Variants in MRTFA observed in about 807,000 individuals in gnomAD.
MRTFA encodes myocardin-related transcription factor A.
MRTFA carries 20 observed loss-of-function variants against 83.5 expected under a neutral mutation model. The observed-to-expected ratio is 0.24, with a 90% CI of 0.17 to 0.35. The LOEUF (loss-of-function observed/expected upper bound fraction) is 0.35. Among genes scored for constraint, MRTFA ranks in the 10% least tolerant of loss-of-function variants. MRTFA has a pLI of 1.00. For synonymous variants in MRTFA, 659 were observed against 541.2 expected, an observed-to-expected ratio of 1.22 and a Z score of -3.02; for missense variants, 1,200 against 1,224.7, an observed-to-expected ratio of 0.98 and a Z score of 0.30.
chr22:40,415,290 A>C (rs2147058875), intron 14 of MRTFA: 1 of 152,568 alleles, frequency 6.6e-6, no homozygotes, highest in African/African-American at 2.4e-5. Context: ...AGCGGGTCCC[A>C]TACCTGCCGC....
chr22:40,505,530 C>A (rs1336203512), intron 3 of MRTFA, among the ~76,000 whole-genome samples: 2 of 152,210 alleles, frequency 1.3e-5, no homozygotes, highest in Non-Finnish European at 2.9e-5. Flanking sequence ...TCTTACTGTT[C>A]AATAAGTAAT....
At chr22:40,583,706 A>C (rs921483586) in intron 2 of MRTFA, among the ~76,000 whole-genome samples, 4 of 152,158 alleles carry the variant, frequency 2.6e-5, no homozygotes, top group African/African-American at 9.7e-5. Flanking sequence ...ACTGTAAAAT[A>C]CACATACAAG....
rs566712114 is a variant in MRTFA, at chr22:40,563,644, C to T, written c.-21-11277G>A. On this transcript the variant is annotated intron_variant, in intron 2 of 14. Transcript: ENST00000355630. ...TTGGGAAGCCAAGCGGGGAGGATCC[C>T]TTGAGCCCAGGAGTTCAAGACCAAT... 1.8e-4 allele frequency among the ~76,000 whole-genome samples: 28 copies of T among 152,264 alleles called. No homozygotes were observed. The South Asian group carries it at 5.2e-3, about 28-fold the overall frequency.
chr22:40,506,909 C>T (rs932690595), intron 3 of MRTFA, among the ~76,000 whole-genome samples: 2 of 152,184 alleles, frequency 1.3e-5, no homozygotes, highest in Non-Finnish European at 2.9e-5. Flanking sequence ...TGAAATATTG[C>T]TGAATACACC....
intron 2 of MRTFA, among the ~76,000 whole-genome samples, chr22:40,553,809 C>T (rs1338755315): frequency 6.6e-6 from 1 of 152,170 alleles, no homozygotes; most frequent in Non-Finnish European, 1.5e-5. Context: ...CCACCTATAG[C>T]TTGCACCATA....
At chr22:40,420,779 C>A in intron 10 of MRTFA, 68 bp downstream of exon 10, 1 of 1,597,458 alleles carries the variant, frequency 6.3e-7, no homozygotes, top group Non-Finnish European at 8.5e-7. Flanking sequence ...CCCCACCAGA[C>A]CTGGCACCTG....
intron 1 of MRTFA, among the ~76,000 whole-genome samples, chr22:40,625,124 C>T (rs779251325): frequency 1.3e-4 from 19 of 151,832 alleles, no homozygotes; most frequent in Non-Finnish European, 2.4e-4. Flanking sequence ...CCTAACCCCC[C>T]AAAAAAACAT....
intron 1 of MRTFA, among the ~76,000 whole-genome samples, chr22:40,599,545 C>A (rs936715821): frequency 6.6e-5 from 10 of 152,090 alleles, no homozygotes; most frequent in African/African-American, 2.4e-4. Flanking sequence ...CAAACAAGCA[C>A]TTCTTTGGAA....
intron 4 of MRTFA, among the ~76,000 whole-genome samples, chr22:40,456,720 C>T (rs1014865864): frequency 6.6e-6 from 1 of 152,118 alleles, no homozygotes; most frequent in Non-Finnish European, 1.5e-5. Flanking sequence ...AAAAAGTTTT[C>T]TTTTGGCTCA....
intron 7 of MRTFA, among the ~76,000 whole-genome samples, chr22:40,427,696 A>G (rs1029126107): frequency 4.6e-5 from 7 of 152,240 alleles, no homozygotes; most frequent in Admixed American, 2.6e-4. Flanking sequence ...CCTTAAGGTC[A>G]GAAGTATCTT....
rs1367923679 is a variant in MRTFA at position 40,416,779 on chromosome 22, A to T, written c.2578+207T>A. On this transcript the variant is annotated intron_variant, in intron 14 of 14. Transcript: ENST00000355630. This position sits in a 1 kb window ranked among gnomAD's most constrained non-coding sequence, Gnocchi z 4.2. ...CGTTGGGAGGCGAGGGCCTTGGGGC[A>T]GTGCTTCCAGCTGAAGGACGGCACC... 6.6e-6 allele frequency among the ~76,000 whole-genome samples: 1 copy of T among 152,236 alleles called. No individual in the cohort carries two copies. The highest frequency in any genetic ancestry group is 2.4e-5 in the African/African-American group (1 of 41,474).
At position 40,411,271 on chromosome 22, in the gene MRTFA, G is replaced by T. The variant is rs1170646529; in HGVS notation, c.*119C>A. ...TCTAGCCTCCCAGGGAAGGGAAAAA[G>T]CAGGGGCTGTGATTGTCAAGACTCA... On this transcript the variant is annotated 3_prime_UTR_variant, in exon 15 of 15. Coordinates refer to ENST00000355630, the MANE Select transcript of MRTFA (RefSeq NM_020831.6). 2 of 1,130,936 alleles carry T rather than the reference G, an allele frequency of 1.8e-6. No homozygotes were observed. Among genetic ancestry groups the T allele is most frequent in the African/African-American group, 1.5e-5 (1 of 64,534 alleles). 70.1% of individuals were successfully genotyped at this position (1,130,936 alleles called of 1,614,324 possible). A position where few individuals can be genotyped will look rare whatever the true frequency, so the allele number is the denominator to read the frequency against.
In MRTFA at chr22:40,446,708, G is replaced by A. The variant is rs560437371; in HGVS notation, c.308-11154C>T. On this transcript the variant is annotated intron_variant, in intron 4 of 14. Transcript: ENST00000355630. ...CCAGTGGTCTCAGAGCTATGCCAGT[G>A]GATTGGTGGAAGCACAAACTTACTG... Among the ~76,000 whole-genome samples, 4 of 152,314 alleles carry A rather than the reference G, an allele frequency of 2.6e-5. No homozygotes were observed. The South Asian group carries it at 8.3e-4, about 32-fold the overall frequency.
At chr22:40,519,226 T>G (rs966646441) in intron 3 of MRTFA, among the ~76,000 whole-genome samples, 1 of 152,138 alleles carries the variant, frequency 6.6e-6, no homozygotes, top group African/African-American at 2.4e-5. Flanking sequence ...AAACTACCCC[T>G]GAGTTTAGGC....
chr22:40,491,097 C>T (rs1161708587), intron 3 of MRTFA, among the ~76,000 whole-genome samples: 1 of 152,174 alleles, frequency 6.6e-6, no homozygotes, highest in Non-Finnish European at 1.5e-5. Context: ...AATCCCAGCA[C>T]TTTGGGAGGA....
chr22:40,475,073 A>T (rs1471914656), intron 3 of MRTFA, among the ~76,000 whole-genome samples: 1 of 151,066 alleles, frequency 6.6e-6, no homozygotes, highest in Non-Finnish European at 1.5e-5. Flanking sequence ...TCCTGATTTC[A>T]GGTGATCCGC....
intron 2 of MRTFA, among the ~76,000 whole-genome samples, chr22:40,557,555 G>C (rs2055542447): frequency 6.6e-6 from 1 of 152,034 alleles, no homozygotes; most frequent in Admixed American, 6.6e-5. Flanking sequence ...AGGATCGCTA[G>C]AGCCCAGGAG....
At chr22:40,520,049 G>T (rs9623177) in intron 3 of MRTFA, among the ~76,000 whole-genome samples, 1 of 152,252 alleles carries the variant, frequency 6.6e-6, no homozygotes, top group African/African-American at 2.4e-5. Flanking sequence ...CGACAATAAA[G>T]AGATATATTT....
chr22:40,607,320 C>T (rs535947946), intron 1 of MRTFA, among the ~76,000 whole-genome samples: 4 of 152,162 alleles, frequency 2.6e-5, no homozygotes, highest in South Asian at 2.1e-4. Flanking sequence ...CTGGCTAACA[C>T]GGTGAAACCC....
Sources: gnomAD v4.1 joint callset for allele counts (sites outside exome capture counted in the v4.1 genomes callset) on GRCh38, gnomAD v4.1.1 for gene constraint, Gnocchi (gnomAD v3.1) non-coding constraint, MANE v1.5 for transcripts, NCBI Gene and HGNC (gene_info 2026-07-23, HGNC 2026-07-21) for gene names.